The following DLC1 variants were observed in gnomAD, a reference collection of about 807,000 sequenced individuals.
DLC1 encodes DLC1 Rho GTPase activating protein.
A neutral mutation model predicts 140.3 loss-of-function variants in DLC1; 54 were observed. The observed-to-expected ratio is 0.38, with a 90% CI of 0.31 to 0.48. The LOEUF (loss-of-function observed/expected upper bound fraction) is 0.48, where lower values mean the gene tolerates loss of function less well. DLC1 is among the 20% of genes least tolerant of loss of function. The probability of loss-of-function intolerance (pLI) is 0.96; values close to 1 mark genes in which losing one functional copy is unlikely to be tolerated. For synonymous variants in DLC1, 986 were observed against 728.1 expected, an observed-to-expected ratio of 1.35 and a Z score of -5.70; for missense variants, 2,536 against 1,907.0, an observed-to-expected ratio of 1.33 and a Z score of -6.14.
At chr8:13,393,152 C>G (rs549057000) in intron 4 of DLC1, among the ~76,000 whole-genome samples, 5 of 152,120 alleles carry the variant, frequency 3.3e-5, no homozygotes, top group African/African-American at 1.2e-4. Flanking sequence ...ATCCATCCAT[C>G]CATCCATCCA....
At chr8:13,421,771 T>C (rs976235926) in intron 2 of DLC1, among the ~76,000 whole-genome samples, 6 of 152,200 alleles carry the variant, frequency 3.9e-5, no homozygotes, top group African/African-American at 1.4e-4. Context: ...CTTTTCCTTG[T>C]GCATAAGGAA....
rs542995915 is a variant in DLC1, at chr8:13,121,760, C to G, written c.1349-6103G>C. Reference sequence around the variant, plus strand: ...TAGAGACAGAGTCTCGCTATGTTGCCCAGGCTGATCTCAAACTCCTGGGCT... The same window carrying G: ...TAGAGACAGAGTCTCGCTATGTTGCGCAGGCTGATCTCAAACTCCTGGGCT... On this transcript the variant is annotated intron_variant, in intron 5 of 17. Transcript: ENST00000276297. Among the ~76,000 whole-genome samples, 12 of 152,120 alleles carry G rather than the reference C, an allele frequency of 7.9e-5. No individual in the cohort carries two copies. In the South Asian group the frequency reaches 1.5e-3, roughly 18 times the overall value.
intron 2 of DLC1, among the ~76,000 whole-genome samples, chr8:13,406,047 C>G (rs1439855311): frequency 1.4e-5 from 2 of 146,084 alleles, no homozygotes; most frequent in Non-Finnish European, 3.0e-5. Flanking sequence ...AGCTCTGTCT[C>G]CCAGGCTGGA....
At chr8:13,530,991 T>G (rs115690630) in intron 1 of DLC1, among the ~76,000 whole-genome samples, 2,853 of 152,242 alleles carry the variant, frequency 0.019, 87 homozygotes, top group African/African-American at 0.065. Context: ...GACAATTAGA[T>G]TGAAATGAGT....
At chr8:13,133,079 G>A (rs1245113601) in intron 5 of DLC1, 5 of 1,534,954 alleles carry the variant, frequency 3.3e-6, no homozygotes, top group South Asian at 1.2e-5. Flanking sequence ...CCCGAGACGC[G>A]CGCCCTCGCG....
At chr8:13,179,629 G>C (rs147083451) in intron 5 of DLC1, among the ~76,000 whole-genome samples, 1,572 of 152,058 alleles carry the variant, frequency 0.01, 30 homozygotes, top group African/African-American at 0.035. Context: ...GCTGAGGTAG[G>C]AGGATTGCTT....
At chr8:13,092,888 G>A in intron 12 of DLC1, 63 bp from the exon 13 acceptor site, 2 of 1,536,666 alleles carry the variant, frequency 1.3e-6, no homozygotes, top group Non-Finnish European at 1.8e-6. Context: ...GCAAGGAAAT[G>A]TCCCAGAGCA....
At chr8:13,274,545 T>C (rs935746844) in intron 5 of DLC1, among the ~76,000 whole-genome samples, 2 of 152,242 alleles carry the variant, frequency 1.3e-5, no homozygotes, top group African/African-American at 4.8e-5. Context: ...TTTCTCTAAG[T>C]GTTTTCATTA....
Position 13,218,998 on chromosome 8 carries a change from GAATATAAT to G in DLC1, c.1348+86263_1348+86270del, listed in dbSNP as rs1443161855. Among the ~76,000 whole-genome samples the G allele has an allele frequency of 1.1e-4, 8 of 71,436 alleles. 1 individual carries two copies. The highest frequency in any genetic ancestry group is 1.0e-3 in the Admixed American group (7 of 6,696). 46.9% of individuals were successfully genotyped at this position (71,436 alleles called of 152,430 possible). On this transcript the variant is annotated intron_variant, in intron 5 of 17. Transcript: ENST00000276297. ...CGTATATAACTATATAATTATATAC[GAATATAAT>G]TATATAATTATATACGTATATAATT...
At position 13,291,315 on chromosome 8, in the gene DLC1, A is replaced by G. The variant is rs536273643; in HGVS notation, c.1348+13954T>C. The stretch of plus-strand genomic sequence containing the variant: ...CCATGTAACTTACTTAAGGCTTATA[A>G]TAGAGAATTCAGTGAAATCATGTTT... On this transcript the variant is annotated intron_variant, in intron 5 of 17. Coordinates refer to ENST00000276297, the MANE Select transcript of DLC1 (RefSeq NM_182643.3). Among the ~76,000 whole-genome samples the G allele has an allele frequency of 1.6e-4, 25 of 152,380 alleles. 1 individual carries two copies. In the South Asian group the frequency reaches 4.3e-3, roughly 26 times the overall value.
At chr8:13,401,359 G>T in intron 3 of DLC1, 111 bp downstream of exon 3, 2 of 1,375,288 alleles carry the variant, frequency 1.5e-6, no homozygotes, top group Non-Finnish European at 2.0e-6. Flanking sequence ...CTGTACTGGG[G>T]TTACATGTTG....
chr8:13,153,172 T>G (rs1314644176), intron 5 of DLC1, among the ~76,000 whole-genome samples: 1 of 152,166 alleles, frequency 6.6e-6, no homozygotes, highest in Non-Finnish European at 1.5e-5. Context: ...GTCTGGAGTT[T>G]GTTCCTTCTG....
chr8:13,496,786 C>CTTTTTTTTTT (rs869192950), intron 2 of DLC1, among the ~76,000 whole-genome samples: 1 of 23,486 alleles, frequency 4.3e-5, no homozygotes, highest in Non-Finnish European at 1.2e-4. Flanking sequence ...AGACCATTTC[C>CTTTTTTTTTT]TTTTTTTTTT....
At chr8:13,325,035 C>T (rs766567188) in intron 4 of DLC1, among the ~76,000 whole-genome samples, 1 of 152,204 alleles carries the variant, frequency 6.6e-6, no homozygotes, top group East Asian at 1.9e-4. Context: ...TACACACTTT[C>T]TGAAATGCAT....
At chr8:13,235,477 CA>C in intron 5 of DLC1, among the ~76,000 whole-genome samples, 1 of 152,112 alleles carries the variant, frequency 6.6e-6, no homozygotes, top group East Asian at 1.9e-4. Flanking sequence ...AGCAGAATGA[CA>C]ACTTTCTTCA....
At chr8:13,275,786 C>G (rs1370132306) in intron 5 of DLC1, among the ~76,000 whole-genome samples, 1 of 152,190 alleles carries the variant, frequency 6.6e-6, no homozygotes, top group East Asian at 1.9e-4. Flanking sequence ...CAGGCTTTCA[C>G]TGGGCAGCGC....
intron 4 of DLC1, among the ~76,000 whole-genome samples, chr8:13,316,324 C>G (rs149674299): frequency 1.0e-3 from 153 of 152,026 alleles, no homozygotes; most frequent in African/African-American, 2.5e-3. Context: ...GCAGTTTTGT[C>G]CTAGTATATA....
chr8:13,520,115 A>G (rs1212640966), intron 1 of DLC1, among the ~76,000 whole-genome samples: 1 of 152,184 alleles, frequency 6.6e-6, no homozygotes, highest in Non-Finnish European at 1.5e-5. Context: ...CTGCAATCCC[A>G]TTACTGGGCA....
chr8:13,560,775 G>A (rs117833275), intron 1 of DLC1, among the ~76,000 whole-genome samples: 1 of 151,994 alleles, frequency 6.6e-6, no homozygotes, highest in East Asian at 1.9e-4. Context: ...TGTGGGGGGG[G>A]AGGGAAAAAG....
Sources: allele counts gnomAD v4.1 joint callset (sites outside exome capture counted in the v4.1 genomes callset), GRCh38; gene constraint gnomAD v4.1.1; transcripts MANE v1.5; gene names NCBI Gene and HGNC (gene_info 2026-07-23, HGNC 2026-07-21).